KCTD1: variants seen among roughly 807,000 people sequenced by gnomAD.
KCTD1 encodes the protein BTB/POZ domain-containing protein KCTD1.
Under a neutral mutation model 66.0 loss-of-function variants are expected in KCTD1, and 24 were observed. The ratio of observed to expected loss-of-function variants is 0.36; its 90% confidence interval spans 0.26 to 0.51. The LOEUF (loss-of-function observed/expected upper bound fraction) is 0.51. Ranked by LOEUF, KCTD1 falls within the 20% of genes least tolerant of loss-of-function variation. KCTD1 has a pLI of 0.95. For missense variants in KCTD1, 943 were observed against 1,205.2 expected (o/e 0.78, Z 3.22); for synonymous variants, 511 against 517.2 (o/e 0.99, Z 0.16).
At position 26,547,028 on chromosome 18, in the gene KCTD1, G is replaced by C; in HGVS notation, c.1509C>G (p.His503Gln). 1.3e-6 allele frequency: 2 copies of C among 1,485,922 alleles called. No homozygotes were observed. The highest frequency in any genetic ancestry group is 1.8e-6 in the Non-Finnish European group (2 of 1,115,292). 92.0% of individuals were successfully genotyped at this position (1,485,922 alleles called of 1,614,324 possible). Residue 503 changes from histidine to glutamine, a missense_variant, in exon 1 of 5, where the codon CAC becomes CAG. His to Gln is a conservative substitution (Grantham distance 24, BLOSUM62 0). Coordinates refer to ENST00000580059, the MANE Select transcript of KCTD1 (RefSeq NM_001142730.3). ...TCCCCAGCGAGGGCGGCTGGGGGCG[G>C]TGGTGGTGGGAGGGATGGGTGGGGG... Reference protein sequence around the residue: ...HHPPTHPSHHHRPQPPSLGNT... With the variant: ...HHPPTHPSHHQRPQPPSLGNT...
intron 1 of KCTD1, among the ~76,000 whole-genome samples, chr18:26,588,829 C>T (rs1239049157): frequency 1.3e-5 from 2 of 149,962 alleles, no homozygotes; most frequent in Non-Finnish European, 3.0e-5. Context: ...TCACACTTTC[C>T]ACAAGGAGCA....
intron 1 of KCTD1, among the ~76,000 whole-genome samples, chr18:26,600,769 C>T (rs1986876184): frequency 6.6e-6 from 1 of 151,800 alleles, no homozygotes; most frequent in African/African-American, 2.4e-5. Flanking sequence ...TAGTTTACTC[C>T]ATTCTTTGTG....
intron 1 of KCTD1, chr18:26,657,253 C>G (rs1378264211): frequency 9.3e-6 from 8 of 859,332 alleles, no homozygotes; most frequent in African/African-American, 7.3e-5. Flanking sequence ...GCGAGTGTGC[C>G]GCGCTCTCGC....
At chr18:26,592,911 G>A (rs1986641648) in intron 1 of KCTD1, among the ~76,000 whole-genome samples, 1 of 152,160 alleles carries the variant, frequency 6.6e-6, no homozygotes, top group African/African-American at 2.4e-5. Flanking sequence ...CTTTGTCTGT[G>A]ACATAGTATT....
chr18:26,501,396 TAATG>T, intron 1 of KCTD1, 146 bp from the exon 2 acceptor site: 1 of 674,042 alleles, frequency 1.5e-6, no homozygotes, highest in Non-Finnish European at 2.4e-6. Flanking sequence ...GCTTTTGTTA[TAATG>T]AATATCAGAA....
intron 1 of KCTD1, among the ~76,000 whole-genome samples, chr18:26,534,685 A>G (rs1190787537): frequency 6.6e-6 from 1 of 152,126 alleles, no homozygotes; most frequent in African/African-American, 2.4e-5. Context: ...GTGTATTTGT[A>G]TTATCCCTAT....
chr18:26,571,889 T>C (rs1214693542), intron 1 of KCTD1, among the ~76,000 whole-genome samples: 1 of 152,146 alleles, frequency 6.6e-6, no homozygotes, highest in Non-Finnish European at 1.5e-5. Context: ...CTTTAGACAA[T>C]GGTATGAAGT....
intron 1 of KCTD1, among the ~76,000 whole-genome samples, chr18:26,603,098 G>A (rs181336987): frequency 1.7e-4 from 26 of 152,168 alleles, no homozygotes; most frequent in Non-Finnish European, 3.2e-4. Context: ...ACCCTCTTCC[G>A]TATAGCATAT....
chr18:26,506,940 C>T (rs1322785175), intron 1 of KCTD1, among the ~76,000 whole-genome samples: 2 of 152,172 alleles, frequency 1.3e-5, no homozygotes, highest in Non-Finnish European at 2.9e-5. Flanking sequence ...CCGAGGCGGG[C>T]AGATCACCTG....
At chr18:26,576,785 A>ATAGGCT (rs1209129293) in intron 1 of KCTD1, among the ~76,000 whole-genome samples, 1 of 152,224 alleles carries the variant, frequency 6.6e-6, no homozygotes, top group Non-Finnish European at 1.5e-5. Flanking sequence ...TTTTGTATAT[A>ATAGGCT]TAGGCTCAGA....
chr18:26,535,056 G>T (rs988424860), intron 1 of KCTD1, among the ~76,000 whole-genome samples: 2 of 148,146 alleles, frequency 1.4e-5, no homozygotes, highest in African/African-American at 5.0e-5. Flanking sequence ...ACCTGTTCTG[G>T]CTGGGCAAGA....
intron 1 of KCTD1, among the ~76,000 whole-genome samples, chr18:26,624,465 A>G (rs1239738354): frequency 6.6e-6 from 1 of 152,242 alleles, no homozygotes; most frequent in African/African-American, 2.4e-5. Context: ...AGCTCCAGCC[A>G]TGGCTAAAAG....
In KCTD1 at chr18:26,476,041, CCTT is replaced by C. The variant is rs1197197123; in HGVS notation, c.2133+471_2133+473del. On this transcript the variant is annotated intron_variant, in intron 3 of 4. Coordinates refer to ENST00000580059, the MANE Select transcript of KCTD1 (RefSeq NM_001142730.3). The surrounding 1 kb of genome is among the most constrained non-coding windows in gnomAD (Gnocchi z 4.9). ...AATATTAACACTTTCTATTTGTTCTCCTTGTCTGACTCCATTGCCTAGAGTTAC... is the reference window on the plus strand; with the variant it reads ...AATATTAACACTTTCTATTTGTTCTCGTCTGACTCCATTGCCTAGAGTTAC... 6.6e-6 allele frequency among the ~76,000 whole-genome samples: 1 copy of C among 152,162 alleles called. No homozygotes were observed. Among genetic ancestry groups the C allele is most frequent in the Non-Finnish European group, 1.5e-5 (1 of 68,024 alleles).
rs1330174373 is a variant in KCTD1 at position 26,454,987 on chromosome 18, A to AGAG, written c.*753_*755dup. 4 of 152,692 alleles carry AGAG rather than the reference A, an allele frequency of 2.6e-5. No homozygotes were observed. The highest frequency in any genetic ancestry group is 5.9e-5 in the Non-Finnish European group (4 of 68,048). 9.5% of individuals were successfully genotyped at this position (152,692 alleles called of 1,614,324 possible). ...TTCACACAGACCTTATTTTTTAAACAGAGTTTATTGTATTTAATACATTAT... is the reference window on the plus strand; with the variant it reads ...TTCACACAGACCTTATTTTTTAAACAGAGGAGTTTATTGTATTTAATACATTAT... On this transcript the variant is annotated 3_prime_UTR_variant, in exon 5 of 5. Coordinates refer to ENST00000580059, the MANE Select transcript of KCTD1 (RefSeq NM_001142730.3).
intron 2 of KCTD1, among the ~76,000 whole-genome samples, chr18:26,496,079 C>A (rs1031766627): frequency 6.6e-6 from 1 of 151,970 alleles, no homozygotes; most frequent in Non-Finnish European, 1.5e-5. Flanking sequence ...AATATGGTAC[C>A]AATATTAATT....
chr18:26,468,394 T>G lies in KCTD1; in HGVS notation c.2133+8121A>C, dbSNP rs776437015. The stretch of plus-strand genomic sequence containing the variant: ...CGGCTCGGACAGCACATTTGCGGAA[T>G]GAGATTTTAGGGGTGGAGGATCTTG... On this transcript the variant is annotated intron_variant, in intron 3 of 4. Transcript: ENST00000580059. The surrounding 1 kb of genome is among the most constrained non-coding windows in gnomAD (Gnocchi z 4.8). Among the ~76,000 whole-genome samples, 3 of 152,036 alleles carry G rather than the reference T, an allele frequency of 2.0e-5. No homozygotes were observed. Among genetic ancestry groups the G allele is most frequent in the Non-Finnish European group, 2.9e-5 (2 of 67,988 alleles).
chr18:26,603,419 T>G (rs1598962373), intron 1 of KCTD1, among the ~76,000 whole-genome samples: 8 of 126,144 alleles, frequency 6.3e-5, no homozygotes, highest in South Asian at 2.6e-4. Context: ...GCAACTGGAG[T>G]GAGACCCTGT....
intron 1 of KCTD1, among the ~76,000 whole-genome samples, chr18:26,558,148 G>T (rs1394709290): frequency 6.6e-6 from 1 of 152,202 alleles, no homozygotes; most frequent in Non-Finnish European, 1.5e-5. Context: ...TTGAAGCAGG[G>T]TGCCTACATT....
At chr18:26,496,221 G>A (rs181052987) in intron 2 of KCTD1, among the ~76,000 whole-genome samples, 17 of 152,322 alleles carry the variant, frequency 1.1e-4, no homozygotes, top group African/African-American at 3.8e-4. Flanking sequence ...AAGAGTGCGA[G>A]TGGAGGGTCT....
Sources: gnomAD v4.1 joint callset for allele counts (sites outside exome capture counted in the v4.1 genomes callset) on GRCh38, gnomAD v4.1.1 for gene constraint, Gnocchi (gnomAD v3.1) non-coding constraint, MANE v1.5 for transcripts, NCBI Gene and HGNC (gene_info 2026-07-23, HGNC 2026-07-21) for gene names.